CEP89: variants seen among roughly 807,000 people sequenced by gnomAD.
CEP89 encodes centrosomal protein 89, also known as centrosomal protein of 89 kDa.
In CEP89, 95 loss-of-function variants were observed where a neutral mutation model predicts 97.6. The observed-to-expected ratio is 0.97, with a 90% CI of 0.82 to 1.15. The LOEUF is 1.15. Ranked by LOEUF, CEP89 falls within the 50% of genes most tolerant of loss-of-function variation. The pLI is 0.00. For missense variants in CEP89, 869 were observed against 947.7 expected (o/e 0.92, Z 1.09); for synonymous variants, 354 against 349.1 (o/e 1.01, Z -0.16).
At chr19:32,969,459 C>T (rs1162212383) in intron 1 of CEP89, 1 of 152,256 alleles carries the variant, frequency 6.6e-6, no homozygotes, top group African/African-American at 2.4e-5. Context: ...GACCCCACCC[C>T]CTTCCTCCTG....
intron 16 of CEP89, among the ~76,000 whole-genome samples, chr19:32,888,277 T>G (rs1969441564): frequency 6.6e-6 from 1 of 152,200 alleles, no homozygotes; most frequent in African/African-American, 2.4e-5. Flanking sequence ...AAGCCATACA[T>G]GAAAGGCAAT....
chr19:32,902,291 C>G (rs1473195436), intron 14 of CEP89, among the ~76,000 whole-genome samples: 1 of 152,054 alleles, frequency 6.6e-6, no homozygotes, highest in East Asian at 1.9e-4. Flanking sequence ...GCATCCTTTA[C>G]CAGCGCAGCA....
At chr19:32,961,672 C>A (rs1195733953) in intron 2 of CEP89, among the ~76,000 whole-genome samples, 1 of 151,062 alleles carries the variant, frequency 6.6e-6, no homozygotes, top group Non-Finnish European at 1.5e-5. Context: ...TTGAGACGAT[C>A]TCACTCTGTT....
rs767241212 is a variant in CEP89, at chr19:32,937,529, A to G, written c.667+102T>C. The G allele has an allele frequency of 3.0e-6, 3 of 1,007,420 alleles. No homozygotes were observed. In the South Asian group the frequency reaches 4.1e-5, roughly 14 times the overall value. 62.4% of individuals were successfully genotyped at this position (1,007,420 alleles called of 1,614,324 possible). On this transcript the variant is annotated intron_variant, in intron 7 of 18. Coordinates refer to ENST00000305768, the MANE Select transcript of CEP89 (RefSeq NM_032816.5). ...GGCAAGGGTGAAAGTTCAACAACTA[A>G]TACAAGAAAAAGAAAATGTAATCTT... is the stretch of plus-strand genomic sequence containing the variant.
Position 32,959,918 on chromosome 19 carries a change from G to A in CEP89, c.287C>T (p.Thr96Ile). The change falls in exon 3 of 19, where the codon ACC becomes ATC. Residue 96 changes from threonine to isoleucine, a missense_variant. Thr to Ile is a moderately conservative substitution (Grantham distance 89). Coordinates refer to ENST00000305768, the MANE Select transcript of CEP89 (RefSeq NM_032816.5). ...TACCTACCGAGGCCTCAGCTGTGAG[G>A]TGGTGGCATAGGGCTCGATGAAGCT... Reference protein sequence around the residue: ...QDSFIEPYATTSQLRPRPNWQ... With the variant: ...QDSFIEPYATISQLRPRPNWQ... 2.5e-6 allele frequency: 4 copies of A among 1,614,226 alleles called. No individual in the cohort carries two copies. The highest frequency in any genetic ancestry group is 1.1e-5 in the South Asian group (1 of 91,088).
intron 2 of CEP89, among the ~76,000 whole-genome samples, chr19:32,964,320 C>T (rs1363717271): frequency 1.3e-5 from 2 of 152,102 alleles, no homozygotes; most frequent in Non-Finnish European, 2.9e-5. Flanking sequence ...TACAGGAGTG[C>T]ACCACCACAC....
chr19:32,925,506 T>TC (rs201035587), intron 11 of CEP89, among the ~76,000 whole-genome samples: 9,415 of 128,348 alleles, frequency 0.073, 817 homozygotes, highest in African/African-American at 0.19. Flanking sequence ...TTTTTTTTTT[T>TC]CGAGACGGAG....
At chr19:32,951,530 TATATACACAC>T (rs1244007398) in intron 4 of CEP89, among the ~76,000 whole-genome samples, 17 of 107,432 alleles carry the variant, frequency 1.6e-4, no homozygotes, top group African/African-American at 5.0e-4. Context: ...TATATATATA[TATATACACAC>T]ACACACACAC....
At chr19:32,885,332 C>T (rs914144554) in intron 17 of CEP89, among the ~76,000 whole-genome samples, 26 of 152,132 alleles carry the variant, frequency 1.7e-4, no homozygotes, top group Non-Finnish European at 3.1e-4. Context: ...TGGCAGGACT[C>T]ATTGTTGAGA....
intron 14 of CEP89, among the ~76,000 whole-genome samples, chr19:32,905,536 AG>A (rs951818739): frequency 5.9e-5 from 9 of 151,860 alleles, no homozygotes; most frequent in African/African-American, 2.2e-4. Flanking sequence ...AGGACTATTC[AG>A]GTATTCTTCT....
intron 14 of CEP89, among the ~76,000 whole-genome samples, chr19:32,912,768 C>T (rs1240491030): frequency 6.6e-6 from 1 of 151,936 alleles, no homozygotes; most frequent in Non-Finnish European, 1.5e-5. Context: ...TATGGCCGGG[C>T]GCGGTGGCTC....
chr19:32,894,074 T>A (rs1283932550), intron 16 of CEP89, among the ~76,000 whole-genome samples: 1 of 152,152 alleles, frequency 6.6e-6, no homozygotes, highest in Non-Finnish European at 1.5e-5. Context: ...GAAACGTTCT[T>A]ATAGTCCCAG....
rs543262288 is a variant in CEP89, at chr19:32,888,095, G to A, written c.1876-254C>T. On this transcript the variant is annotated intron_variant, in intron 16 of 18. Coordinates refer to ENST00000305768, the MANE Select transcript of CEP89 (RefSeq NM_032816.5). ...TTCCAGCCCCACAGACCAGGGGAAC[G>A]GGAGAGGCTGCAAAGGTTTCCAGAA... is the stretch of plus-strand genomic sequence containing the variant. 1.1e-4 allele frequency among the ~76,000 whole-genome samples: 16 copies of A among 152,300 alleles called. 1 individual carries two copies. The South Asian group carries it at 3.1e-3, about 30-fold the overall frequency.
rs1306883634 is a variant in CEP89, at chr19:32,922,550, AC to A, written c.1268+888del. On this transcript the variant is annotated intron_variant, in intron 12 of 18. Coordinates refer to ENST00000305768, the MANE Select transcript of CEP89 (RefSeq NM_032816.5). ...AGAGTGAGACCCTAACTCTAAAAAA[AC>A]ATAAGAAACAGAGACGCCAGGCGCA... is the stretch of plus-strand genomic sequence containing the variant. 8.6e-5 allele frequency among the ~76,000 whole-genome samples: 13 copies of A among 150,440 alleles called. No homozygotes were observed. The East Asian group carries it at 2.6e-3, about 30-fold the overall frequency.
Position 32,966,458 on chromosome 19 carries a change from G to C in CEP89, c.48C>G (p.Ile16Met). The part of the protein sequence containing the change: ...RRGRRSHFKH[I>M]IHGLLPAASV... ...TGGCTGCAGGTAAAAGGCCATGGAT[G>C]ATGTGTTTCTGCACAAATGAAATCC... Residue 16 changes from isoleucine to methionine, a missense_variant, in exon 2 of 19, where the codon ATC becomes ATG. Ile to Met is a conservative substitution (Grantham distance 10). Coordinates refer to ENST00000305768, the MANE Select transcript of CEP89 (RefSeq NM_032816.5). 1 of 1,537,494 alleles carries C rather than the reference G, an allele frequency of 6.5e-7. No individual in the cohort carries two copies. Among genetic ancestry groups the C allele is most frequent in the Non-Finnish European group, 8.8e-7 (1 of 1,137,566 alleles).
intron 16 of CEP89, among the ~76,000 whole-genome samples, chr19:32,889,519 A>G (rs1372813513): frequency 6.6e-6 from 1 of 152,226 alleles, no homozygotes; most frequent in Non-Finnish European, 1.5e-5. Flanking sequence ...TTGTTGGCTC[A>G]ACAAGTAACT....
In CEP89 at chr19:32,880,616, G is replaced by A. The variant is rs942793665; in HGVS notation, c.2135+1228C>T. Among the ~76,000 whole-genome samples the A allele has an allele frequency of 2.1e-5, 3 of 145,166 alleles. No homozygotes were observed. The East Asian group carries it at 6.0e-4, about 29-fold the overall frequency. On this transcript the variant is annotated intron_variant, in intron 18 of 18. Coordinates refer to ENST00000305768, the MANE Select transcript of CEP89 (RefSeq NM_032816.5). The stretch of plus-strand genomic sequence containing the variant: ...ATTGTGCCACTGTACTTTAGCCCAG[G>A]CAACAGAGCAAGACCTTGTATTTAA...
At chr19:32,931,377 C>T in intron 9 of CEP89, 52 bp downstream of exon 9, 1 of 1,479,858 alleles carries the variant, frequency 6.8e-7, no homozygotes. Flanking sequence ...ATCAATTCAA[C>T]AGTAAAGGCT....
At chr19:32,914,742 C>T (rs1599735161) in intron 14 of CEP89, among the ~76,000 whole-genome samples, 1 of 152,024 alleles carries the variant, frequency 6.6e-6, no homozygotes, top group Admixed American at 6.6e-5. Context: ...AAAAGTCAGG[C>T]TGGGCGTGAT....
Sources: allele counts gnomAD v4.1 joint callset (sites outside exome capture counted in the v4.1 genomes callset), GRCh38; gene constraint gnomAD v4.1.1; transcripts MANE v1.5; gene names NCBI Gene and HGNC (gene_info 2026-07-23, HGNC 2026-07-21).